Variants in FGF13 observed in about 807,000 individuals in gnomAD.
FGF13 encodes the protein fibroblast growth factor homologous factor 2.
In FGF13, 2 loss-of-function variants were observed where a neutral mutation model predicts 19.5. The ratio of observed to expected loss-of-function variants is 0.10; its 90% CI spans 0.04 to 0.32. The LOEUF (loss-of-function observed/expected upper bound fraction) is 0.32. Ranked by LOEUF, FGF13 falls within the 10% of genes least tolerant of loss-of-function variation. FGF13 has a pLI of 1.00. For synonymous variants in FGF13, 72 were observed against 76.9 expected (o/e 0.94, Z 0.33); for missense variants, 113 against 192.7 (o/e 0.59, Z 2.45).
chrX:138,908,227 C>T (rs1479011633), intron 1 of FGF13, among the ~76,000 whole-genome samples: 2 of 106,437 alleles, frequency 1.9e-5, no homozygotes, highest in Admixed American at 1.0e-4. Flanking sequence ...CCCGCCACTG[C>T]GCCCGGCTAA....
intron 3 of FGF13, among the ~76,000 whole-genome samples, chrX:138,654,589 A>G (rs750181995): frequency 9.0e-6 from 1 of 110,899 alleles, no homozygotes; most frequent in East Asian, 2.9e-4. Flanking sequence ...AAAAATACAG[A>G]AATCATCTGG....
chrX:138,929,969 T>C (rs1227441670), intron 1 of FGF13, among the ~76,000 whole-genome samples: 1 of 110,818 alleles, frequency 9.0e-6, no homozygotes, highest in African/African-American at 3.3e-5. Flanking sequence ...TCTCAGTATA[T>C]TTCTAGTACT....
chrX:139,154,944 A>G (rs1297536238), intron 1 of FGF13, among the ~76,000 whole-genome samples: 3 of 111,928 alleles, frequency 2.7e-5, no homozygotes, highest in Non-Finnish European at 5.6e-5. Context: ...TTTGAGGTAC[A>G]TGCTATTATT....
chrX:138,825,439 T>C (rs1358512366), intron 3 of FGF13, among the ~76,000 whole-genome samples: 1 of 112,292 alleles, frequency 8.9e-6, no homozygotes, highest in Non-Finnish European at 1.9e-5. Context: ...AATGTGCAGC[T>C]ACATAAAAAT....
At chrX:138,804,225 C>T (rs1319415884) in intron 3 of FGF13, among the ~76,000 whole-genome samples, 1 of 112,323 alleles carries the variant, frequency 8.9e-6, no homozygotes, top group Non-Finnish European at 1.9e-5. Flanking sequence ...AAACAGCAAG[C>T]ACTCTGCTTC....
At chrX:139,048,560 C>CTTTT in intron 1 of FGF13, among the ~76,000 whole-genome samples, 1 of 96,903 alleles carries the variant, frequency 1.0e-5, no homozygotes, top group African/African-American at 4.5e-5. Flanking sequence ...TTCTACAGCT[C>CTTTT]TTGTTTTTTT....
chrX:138,931,919 G>A (rs1467583926), intron 1 of FGF13, among the ~76,000 whole-genome samples: 1 of 110,896 alleles, frequency 9.0e-6, no homozygotes, highest in Admixed American at 9.6e-5. Context: ...GTAACAAATG[G>A]GCCCTTTAGC....
chrX:138,787,186 AT>A (rs2090700285), intron 3 of FGF13, among the ~76,000 whole-genome samples: 1 of 112,637 alleles, frequency 8.9e-6, no homozygotes, highest in African/African-American at 3.2e-5. Flanking sequence ...ATGAGGAACG[AT>A]TAATTGATAT....
At chrX:139,067,354 C>A (rs1412469211) in intron 1 of FGF13, among the ~76,000 whole-genome samples, 1 of 111,810 alleles carries the variant, frequency 8.9e-6, no homozygotes, top group East Asian at 2.8e-4. Context: ...TCCCTGTTTG[C>A]AGATGACATG....
intron 3 of FGF13, among the ~76,000 whole-genome samples, chrX:138,767,802 G>A (rs2090512931): frequency 8.9e-6 from 1 of 112,343 alleles, no homozygotes; most frequent in East Asian, 2.8e-4. Context: ...CTGAACATCA[G>A]TGTTCCCATC....
At chrX:138,933,019 G>A (rs970951488) in intron 1 of FGF13, among the ~76,000 whole-genome samples, 1 of 111,477 alleles carries the variant, frequency 9.0e-6, no homozygotes, top group African/African-American at 3.3e-5. Context: ...GAGACTAGCT[G>A]TTCTGTCTGT....
intron 1 of FGF13, among the ~76,000 whole-genome samples, chrX:138,908,238 A>ATT (rs745634414): frequency 0.017 from 1,692 of 100,803 alleles, 38 homozygotes; most frequent in African/African-American, 0.058. Context: ...GCCCGGCTAA[A>ATT]TTTTTTTTTT....
chrX:139,019,028 C>T (rs1019697113), intron 1 of FGF13, among the ~76,000 whole-genome samples: 2 of 111,293 alleles, frequency 1.8e-5, no homozygotes, highest in Non-Finnish European at 3.8e-5. Context: ...TTTTCTGTCT[C>T]TATAGATTTG....
chrX:138,828,420 A>G (rs2091048641), intron 3 of FGF13, among the ~76,000 whole-genome samples: 1 of 110,095 alleles, frequency 9.1e-6, no homozygotes, highest in African/African-American at 3.3e-5. Flanking sequence ...TACAAAAAAA[A>G]TTAGCCGGGC....
At chrX:138,648,006 C>T (rs922999796) in intron 3 of FGF13, among the ~76,000 whole-genome samples, 1 of 112,107 alleles carries the variant, frequency 8.9e-6, no homozygotes, top group African/African-American at 3.2e-5. Flanking sequence ...AATAATTCTA[C>T]AGTCACCCTT....
intron 3 of FGF13, among the ~76,000 whole-genome samples, chrX:138,702,724 C>T (rs1476494672): frequency 1.8e-5 from 2 of 112,171 alleles, no homozygotes; most frequent in Non-Finnish European, 3.8e-5. Context: ...TTATATGCTA[C>T]ATAAGATGAC....
At chrX:138,690,518 G>A (rs2089828170) in intron 3 of FGF13, among the ~76,000 whole-genome samples, 1 of 109,899 alleles carries the variant, frequency 9.1e-6, no homozygotes, top group Admixed American at 9.7e-5. Flanking sequence ...GCAAGTGGGA[G>A]CCTTTTTTTT....
intron 3 of FGF13, among the ~76,000 whole-genome samples, chrX:138,831,195 T>C (rs1569406380): frequency 8.9e-6 from 1 of 111,847 alleles, no homozygotes; most frequent in East Asian, 2.8e-4. Context: ...CCTCCACTTA[T>C]ATTTCAAAGG....
At chrX:138,655,146 C>G (rs1286391611) in intron 3 of FGF13, among the ~76,000 whole-genome samples, 1 of 111,841 alleles carries the variant, frequency 8.9e-6, no homozygotes, top group Admixed American at 9.5e-5. Context: ...TGTTAATACC[C>G]TTATCTAAAA....
Sources: allele counts gnomAD v4.1 joint callset (sites outside exome capture counted in the v4.1 genomes callset), GRCh38; gene constraint gnomAD v4.1.1; transcripts MANE v1.5; gene names NCBI Gene and HGNC (gene_info 2026-07-23, HGNC 2026-07-21).